The following SLC27A2 variants were observed in gnomAD, a reference collection of about 807,000 sequenced individuals.
SLC27A2 encodes the protein solute carrier family 27 member 2.
A neutral mutation model predicts 60.0 loss-of-function variants in SLC27A2; 54 were observed. The observed-to-expected ratio is 0.90, with a 90% CI of 0.72 to 1.13. SLC27A2 has a LOEUF of 1.13. SLC27A2 is among the 50% of genes most tolerant of loss of function. The pLI is 0.00. For missense variants in SLC27A2, 739 were observed against 777.6 expected, an observed-to-expected ratio of 0.95 and a Z score of 0.59; for synonymous variants, 297 against 297.6, an observed-to-expected ratio of 1.00 and a Z score of 0.02.
At chr15:50,211,606 G>A (rs896088594) in intron 4 of SLC27A2, among the ~76,000 whole-genome samples, 5 of 152,142 alleles carry the variant, frequency 3.3e-5, no homozygotes, top group Admixed American at 6.5e-5. Flanking sequence ...TAGTTCACCA[G>A]CAACGAATCC....
At chr15:50,220,388 A>G (rs2045233981) in intron 4 of SLC27A2, among the ~76,000 whole-genome samples, 2 of 152,220 alleles carry the variant, frequency 1.3e-5, no homozygotes, top group Admixed American at 1.3e-4. Context: ...GATGACATAG[A>G]GATACATGTA....
intron 2 of SLC27A2, among the ~76,000 whole-genome samples, chr15:50,199,041 T>A (rs980244940): frequency 1.3e-5 from 2 of 151,710 alleles, no homozygotes; most frequent in Admixed American, 6.6e-5. Flanking sequence ...TTTTTTTTTT[T>A]ATTTTTATTG....
intron 4 of SLC27A2, chr15:50,221,992 C>T (rs1277211030): frequency 6.6e-6 from 1 of 152,158 alleles, no homozygotes; most frequent in Non-Finnish European, 1.5e-5. Flanking sequence ...CTTGACTAGT[C>T]TTTGTTAACA....
At chr15:50,197,740 A>C in intron 2 of SLC27A2, 31 bp downstream of exon 2, 1 of 1,530,942 alleles carries the variant, frequency 6.5e-7, no homozygotes. Flanking sequence ...CTCCAAAAAA[A>C]TTAATCTGAA....
chr15:50,186,639 A>G (rs1215695163), intron 1 of SLC27A2, among the ~76,000 whole-genome samples: 3 of 152,096 alleles, frequency 2.0e-5, no homozygotes, highest in African/African-American at 7.2e-5. Context: ...GGGTTTCACC[A>G]TGTTGGCCAG....
intron 5 of SLC27A2, among the ~76,000 whole-genome samples, chr15:50,224,621 C>T (rs905703152): frequency 6.6e-6 from 1 of 152,122 alleles, no homozygotes; most frequent in African/African-American, 2.4e-5. Context: ...ATGACAGCTC[C>T]ACCTACGCTA....
intron 4 of SLC27A2, among the ~76,000 whole-genome samples, chr15:50,212,570 C>A (rs571398180): frequency 1.3e-5 from 2 of 152,154 alleles, no homozygotes; most frequent in Non-Finnish European, 2.9e-5. Context: ...CAAAGGAAAA[C>A]CTATTAGATT....
chr15:50,182,250 C>A lies in SLC27A2; in HGVS notation c.-178C>A. 9.6e-7 allele frequency: 1 copy of A among 1,044,470 alleles called. No individual in the cohort carries two copies. The highest frequency in any genetic ancestry group is 1.2e-6 in the Non-Finnish European group (1 of 807,424). 64.7% of individuals were successfully genotyped at this position (1,044,470 alleles called of 1,614,324 possible). On this transcript the variant is annotated 5_prime_UTR_variant, in exon 1 of 10. Transcript: ENST00000267842. ...ATACGACTACACCTGCTCCGGAGCC[C>A]GCGGCGGTACCTGCAGCGGAGGAGC...
intron 1 of SLC27A2, among the ~76,000 whole-genome samples, chr15:50,187,284 C>T (rs938302503): frequency 2.0e-5 from 3 of 152,202 alleles, no homozygotes; most frequent in Non-Finnish European, 4.4e-5. Context: ...GGAAAATTGT[C>T]TCCAAGGATA....
At chr15:50,196,751 C>CT (rs1035761565) in intron 1 of SLC27A2, among the ~76,000 whole-genome samples, 8 of 152,014 alleles carry the variant, frequency 5.3e-5, no homozygotes, top group Non-Finnish European at 8.8e-5. Flanking sequence ...TTAATCACTC[C>CT]TTTTTTTTCC....
At chr15:50,214,717 A>G (rs1480022090) in intron 4 of SLC27A2, among the ~76,000 whole-genome samples, 1 of 152,200 alleles carries the variant, frequency 6.6e-6, no homozygotes, top group Non-Finnish European at 1.5e-5. Context: ...AAAAAATCAC[A>G]TGATAATCTC....
intron 1 of SLC27A2, among the ~76,000 whole-genome samples, chr15:50,193,035 T>C (rs1595680910): frequency 6.6e-6 from 1 of 152,112 alleles, no homozygotes. Context: ...CTCCCAACCT[T>C]ATTCCCCTCC....
chr15:50,216,022 G>C (rs944058590), intron 4 of SLC27A2, among the ~76,000 whole-genome samples: 1 of 152,202 alleles, frequency 6.6e-6, no homozygotes, highest in African/African-American at 2.4e-5. Context: ...AGAGTAAACA[G>C]ACAACCCACG....
chr15:50,195,492 A>G (rs1399142489), intron 1 of SLC27A2, among the ~76,000 whole-genome samples: 31 of 151,844 alleles, frequency 2.0e-4, no homozygotes, highest in Admixed American at 1.9e-3. Context: ...CTCTGTCTCA[A>G]AATAAATAAA....
At position 50,184,980 on chromosome 15, in the gene SLC27A2, GC is replaced by G. The variant is rs568797393; in HGVS notation, c.478+2077del. On this transcript the variant is annotated intron_variant, in intron 1 of 9. Transcript: ENST00000267842. ...CTTTGTAACTAGAAGACTCTCCTAA[GC>G]CTATTACTTTACCAGCTTGCTTGGA... Among the ~76,000 whole-genome samples, 726 of 152,302 alleles carry G rather than the reference GC, an allele frequency of 4.8e-3. 2 individuals are homozygous for G. The highest frequency in any genetic ancestry group is 0.031 in the Middle Eastern group (9 of 294).
chr15:50,185,275 A>G (rs541211033), intron 1 of SLC27A2, among the ~76,000 whole-genome samples: 2 of 152,248 alleles, frequency 1.3e-5, no homozygotes, highest in Admixed American at 6.5e-5. Flanking sequence ...TCTATATTAA[A>G]CTCAAACGTG....
chr15:50,196,926 C>T (rs1451263936), intron 1 of SLC27A2, among the ~76,000 whole-genome samples: 1 of 152,120 alleles, frequency 6.6e-6, no homozygotes, highest in Non-Finnish European at 1.5e-5. Flanking sequence ...CATTTCTCTT[C>T]TCCTTCCTTA....
intron 8 of SLC27A2, among the ~76,000 whole-genome samples, chr15:50,233,133 C>T (rs1311707766): frequency 6.6e-6 from 1 of 152,184 alleles, no homozygotes; most frequent in African/African-American, 2.4e-5. Flanking sequence ...CCTCTTGGGA[C>T]TAATGGGCCT....
chr15:50,191,697 G>A (rs1277199358), intron 1 of SLC27A2, among the ~76,000 whole-genome samples: 1 of 152,198 alleles, frequency 6.6e-6, no homozygotes, highest in Non-Finnish European at 1.5e-5. Context: ...TACATGTTCT[G>A]ATTGATAGAT....
Sources: allele counts gnomAD v4.1 joint callset (sites outside exome capture counted in the v4.1 genomes callset), GRCh38; gene constraint gnomAD v4.1.1; transcripts MANE v1.5; gene names NCBI Gene and HGNC (gene_info 2026-07-23, HGNC 2026-07-21).